The following LAMA2 variants were observed in gnomAD, a reference collection of about 807,000 sequenced individuals.
LAMA2 encodes the protein laminin subunit alpha 2.
A neutral mutation model predicts 364.8 loss-of-function variants in LAMA2; 269 were observed. The ratio of observed to expected loss-of-function variants is 0.74; its 90% CI spans 0.67 to 0.82. LAMA2 has a LOEUF of 0.82. Among genes scored for constraint, LAMA2 ranks in the 40% least tolerant of loss-of-function variants. LAMA2 has a pLI of 0.00. For missense variants in LAMA2, 3,807 were observed against 3,873.2 expected, an observed-to-expected ratio of 0.98 and a Z score of 0.45; for synonymous variants, 1,379 against 1,370.6, an observed-to-expected ratio of 1.01 and a Z score of -0.14.
rs546675448 is a variant in LAMA2, at chr6:129,198,481, C to G, written c.1782+5628C>G. On this transcript the variant is annotated intron_variant, in intron 12 of 64. Coordinates refer to ENST00000421865, the MANE Select transcript of LAMA2 (RefSeq NM_000426.4). ...AATAGAGATGCTGAAGCAGCTTATT[C>G]AAAAGAAAGGGAACGACAAAGATAT... is the stretch of plus-strand genomic sequence containing the variant. 1.2e-4 allele frequency among the ~76,000 whole-genome samples: 18 copies of G among 151,934 alleles called. No individual in the cohort carries two copies. The East Asian group carries it at 3.5e-3, about 29-fold the overall frequency.
chr6:129,123,306 A>C (rs1240149126), intron 4 of LAMA2, among the ~76,000 whole-genome samples: 1 of 141,946 alleles, frequency 7.0e-6, no homozygotes, highest in Non-Finnish European at 1.6e-5. Context: ...ACTCTGTCTC[A>C]AAAAAAAAAA....
chr6:129,481,140 C>A, intron 54 of LAMA2, 123 bp from the exon 55 acceptor site: 1 of 762,924 alleles, frequency 1.3e-6, no homozygotes, highest in Non-Finnish European at 2.3e-6. Context: ...TGTTTTCCTG[C>A]TTTCTAAACC....
At chr6:129,378,467 G>A (rs1024976206) in intron 34 of LAMA2, among the ~76,000 whole-genome samples, 5 of 152,144 alleles carry the variant, frequency 3.3e-5, no homozygotes, top group Admixed American at 3.3e-4. Flanking sequence ...GGGTATTTTT[G>A]ACCAGGGTGA....
At chr6:128,989,619 G>A (rs78411901) in intron 1 of LAMA2, among the ~76,000 whole-genome samples, 25 of 152,260 alleles carry the variant, frequency 1.6e-4, no homozygotes, top group African/African-American at 5.8e-4. Context: ...CACATAGTAG[G>A]TGCTCCTAAA....
intron 1 of LAMA2, among the ~76,000 whole-genome samples, chr6:129,005,142 A>G (rs1784365582): frequency 6.6e-6 from 1 of 151,926 alleles, no homozygotes; most frequent in East Asian, 1.9e-4. Context: ...TTTTTTCTGA[A>G]AAACATTAAG....
rs567135099 is a variant in LAMA2, at chr6:129,432,342, G to C, written c.5968+4488G>C. ...AAATAGTGGCAAATATAGAGGGGCA[G>C]GTTCTATTGGAAAGATTATCCCTAA... On this transcript the variant is annotated intron_variant, in intron 41 of 64. Coordinates refer to ENST00000421865, the MANE Select transcript of LAMA2 (RefSeq NM_000426.4). Among the ~76,000 whole-genome samples the C allele has an allele frequency of 3.4e-4, 52 of 152,320 alleles. 1 individual carries two copies. The highest frequency in any genetic ancestry group is 1.2e-3 in the African/African-American group (50 of 41,572).
At chr6:129,272,749 G>A (rs1022130973) in intron 17 of LAMA2, among the ~76,000 whole-genome samples, 3 of 152,124 alleles carry the variant, frequency 2.0e-5, no homozygotes, top group African/African-American at 4.8e-5. Context: ...ATTACCACCT[G>A]AGCTCAGCCT....
At chr6:129,490,199 C>T (rs1247503947) in intron 56 of LAMA2, among the ~76,000 whole-genome samples, 2 of 152,206 alleles carry the variant, frequency 1.3e-5, no homozygotes, top group African/African-American at 4.8e-5. Flanking sequence ...AATACAGCCT[C>T]AGGGCAATCC....
At chr6:129,048,524 C>T (rs1396577405) in intron 1 of LAMA2, among the ~76,000 whole-genome samples, 9 of 45,608 alleles carry the variant, frequency 2.0e-4, no homozygotes, top group Admixed American at 4.1e-4. Context: ...TTCCTTCCTT[C>T]CTTCCTTCCT....
chr6:129,505,453 T>C, intron 61 of LAMA2, 98 bp downstream of exon 61: 1 of 878,812 alleles, frequency 1.1e-6, no homozygotes, highest in South Asian at 1.4e-5. Context: ...TGAAAACTGA[T>C]AGGTGAATAG....
At position 129,090,036 on chromosome 6, in the gene LAMA2, C is replaced by G. The variant is rs192290321; in HGVS notation, c.397-8137C>G. Among the ~76,000 whole-genome samples the G allele has an allele frequency of 2.6e-5, 4 of 152,116 alleles. No individual in the cohort carries two copies. In the East Asian group the frequency reaches 7.7e-4, roughly 29 times the overall value. Reference sequence around the variant, plus strand: ...AAGAAAATGCATTAAATGTTTGCTCCGTAAGAGCAAGCACTAAATTACCAG... The same window carrying G: ...AAGAAAATGCATTAAATGTTTGCTCGGTAAGAGCAAGCACTAAATTACCAG... On this transcript the variant is annotated intron_variant, in intron 3 of 64. Transcript: ENST00000421865.
At chr6:129,188,303 A>G (rs1781347587) in intron 10 of LAMA2, among the ~76,000 whole-genome samples, 3 of 151,874 alleles carry the variant, frequency 2.0e-5, no homozygotes, top group Non-Finnish European at 4.4e-5. Context: ...ATTTAATCAT[A>G]TTTTTTCAAG....
chr6:129,505,849 A>ATAGAT (rs1051873926), intron 61 of LAMA2, among the ~76,000 whole-genome samples: 1 of 151,812 alleles, frequency 6.6e-6, no homozygotes, highest in Non-Finnish European at 1.5e-5. Context: ...GGTTTTTTAG[A>ATAGAT]TAGATTAGAT....
chr6:129,367,222 G>T (rs1338922658), intron 33 of LAMA2, among the ~76,000 whole-genome samples: 1 of 152,070 alleles, frequency 6.6e-6, no homozygotes, highest in Non-Finnish European at 1.5e-5. Flanking sequence ...TTCACCTGAT[G>T]GAAAAAGATG....
chr6:129,418,582 C>T (rs377574411), intron 40 of LAMA2, among the ~76,000 whole-genome samples: 6 of 152,060 alleles, frequency 3.9e-5, no homozygotes, highest in Admixed American at 2.0e-4. Context: ...TATCAGTGAA[C>T]GTGATGTCAT....
Position 129,481,771 on chromosome 6 carries a change from C to A in LAMA2, c.7749+332C>A, listed in dbSNP as rs150357523. Among the ~76,000 whole-genome samples the A allele has an allele frequency of 6.4e-4, 98 of 152,246 alleles. 3 individuals are homozygous for A. The highest frequency in any genetic ancestry group is 2.3e-3 in the African/African-American group (96 of 41,532). On this transcript the variant is annotated intron_variant, in intron 55 of 64. Transcript: ENST00000421865. ...ATCTTAATTTCTACTGTCTCCAAGT[C>A]CGACTCCTTACCAAATCTGTAGACA...
At chr6:129,427,720 T>C in intron 40 of LAMA2, 32 bp from the exon 41 acceptor site, 1 of 1,485,438 alleles carries the variant, frequency 6.7e-7, no homozygotes, top group Non-Finnish European at 9.4e-7. Context: ...TCTATGGTTT[T>C]AGATGTATGA....
intron 32 of LAMA2, among the ~76,000 whole-genome samples, chr6:129,360,159 G>A (rs958305920): frequency 6.6e-6 from 1 of 152,082 alleles, no homozygotes; most frequent in Admixed American, 6.6e-5. Context: ...GGTTTGGAAA[G>A]GTTCTTTGAG....
chr6:129,225,147 G>T (rs1050557975), intron 12 of LAMA2, among the ~76,000 whole-genome samples: 14 of 152,126 alleles, frequency 9.2e-5, no homozygotes, highest in African/African-American at 2.7e-4. Flanking sequence ...TTCTCTGATG[G>T]TAGTTTGTAT....
Sources: gnomAD v4.1 joint callset for allele counts (sites outside exome capture counted in the v4.1 genomes callset) on GRCh38, gnomAD v4.1.1 for gene constraint, MANE v1.5 for transcripts, NCBI Gene and HGNC (gene_info 2026-07-23, HGNC 2026-07-21) for gene names.